The following ACBD6 variants were observed in gnomAD, a reference collection of about 807,000 sequenced individuals.
The protein encoded by ACBD6 is acyl-CoA-binding domain-containing protein 6.
Under a neutral mutation model 37.2 loss-of-function variants are expected in ACBD6, and 28 were observed. That is an observed-to-expected ratio of 0.75 (90% CI 0.56 to 1.03). ACBD6 has a LOEUF of 1.03. Among genes scored for constraint, ACBD6 ranks in the 50% least tolerant of loss-of-function variants. ACBD6 has a pLI of 0.00. For missense variants in ACBD6, 340 were observed against 337.4 expected, an observed-to-expected ratio of 1.01 and a Z score of -0.06; for synonymous variants, 113 against 126.8, an observed-to-expected ratio of 0.89 and a Z score of 0.73.
chr1:180,477,978 T>TAAAAAAAAAAA (rs58326495), intron 3 of ACBD6, among the ~76,000 whole-genome samples: 8,077 of 144,420 alleles, frequency 0.056, 648 homozygotes, highest in African/African-American at 0.17. Context: ...TCCATCTCTT[T>TAAAAAAAAAAA]AAAAAAAAAA....
chr1:180,300,869 G>T (rs998050076), intron 7 of ACBD6, among the ~76,000 whole-genome samples: 2 of 152,100 alleles, frequency 1.3e-5, no homozygotes, highest in East Asian at 1.9e-4. Context: ...AATAAGAAAA[G>T]ATTTTCTTTA....
At chr1:180,456,649 T>A (rs1649935673) in intron 3 of ACBD6, among the ~76,000 whole-genome samples, 1 of 152,226 alleles carries the variant, frequency 6.6e-6, no homozygotes, top group Non-Finnish European at 1.5e-5. Flanking sequence ...TGAAAGGTAT[T>A]TCCACCTATA....
intron 3 of ACBD6, among the ~76,000 whole-genome samples, chr1:180,473,644 T>C (rs1650662064): frequency 1.3e-5 from 2 of 152,112 alleles, no homozygotes; most frequent in African/African-American, 2.4e-5. Flanking sequence ...TGAGGCAATA[T>C]AGATAGGATT....
chr1:180,332,248 T>G (rs1651514147), intron 6 of ACBD6, among the ~76,000 whole-genome samples: 1 of 152,182 alleles, frequency 6.6e-6, no homozygotes, highest in Non-Finnish European at 1.5e-5. Context: ...AGTACAAACC[T>G]CCACCATTTC....
chr1:180,349,610 TTA>T (rs2101890936), intron 6 of ACBD6, among the ~76,000 whole-genome samples: 1 of 152,174 alleles, frequency 6.6e-6, no homozygotes, highest in Non-Finnish European at 1.5e-5. Flanking sequence ...ATAATAAATT[TTA>T]TGTGTTGCCA....
At chr1:180,396,682 TG>T (rs1654273398) in intron 6 of ACBD6, among the ~76,000 whole-genome samples, 1 of 152,170 alleles carries the variant, frequency 6.6e-6, no homozygotes, top group Non-Finnish European at 1.5e-5. Context: ...AACAAGCGTA[TG>T]AAAAGGTACT....
intron 5 of ACBD6, among the ~76,000 whole-genome samples, chr1:180,405,009 G>A (rs1299103724): frequency 3.3e-5 from 5 of 152,040 alleles, no homozygotes; most frequent in South Asian, 4.1e-4. Flanking sequence ...AATTTGTAAC[G>A]CATTTCTCAG....
At chr1:180,374,413 G>A (rs1653361845) in intron 6 of ACBD6, among the ~76,000 whole-genome samples, 1 of 152,140 alleles carries the variant, frequency 6.6e-6, no homozygotes, top group Admixed American at 6.5e-5. Context: ...AGTAATCTAG[G>A]AAGGAAGTAA....
chr1:180,301,611 T>C (rs1036533093), intron 7 of ACBD6, among the ~76,000 whole-genome samples: 1 of 152,190 alleles, frequency 6.6e-6, no homozygotes, highest in Non-Finnish European at 1.5e-5. Flanking sequence ...CTTAACTTTT[T>C]CTTGTAATGT....
chr1:180,494,299 A>G (rs190509165), intron 2 of ACBD6, among the ~76,000 whole-genome samples: 4 of 152,346 alleles, frequency 2.6e-5, no homozygotes, highest in Admixed American at 1.3e-4. Context: ...ACAATGGAGA[A>G]ACAGGCAAAG....
At chr1:180,407,866 C>T (rs561773134) in intron 5 of ACBD6, among the ~76,000 whole-genome samples, 2 of 152,318 alleles carry the variant, frequency 1.3e-5, no homozygotes, top group African/African-American at 2.4e-5. Flanking sequence ...TAAATATTAA[C>T]AGGCACCATA....
rs567841876 is a variant in ACBD6 at position 180,447,086 on chromosome 1, C to A, written c.385-16824G>T. Among the ~76,000 whole-genome samples the A allele has an allele frequency of 3.9e-5, 6 of 152,180 alleles. 1 individual carries two copies. In the South Asian group the frequency reaches 1.2e-3, roughly 32 times the overall value. ...CCAGACATTTATAAAAATGTCAGTT[C>A]TCTAGAAATGTTGCATAAATGCTTA... On this transcript the variant is annotated intron_variant, in intron 3 of 7. Transcript: ENST00000367595.
At chr1:180,415,658 A>T (rs1481300371) in intron 4 of ACBD6, among the ~76,000 whole-genome samples, 1 of 152,196 alleles carries the variant, frequency 6.6e-6, no homozygotes, top group Non-Finnish European at 1.5e-5. Context: ...AAAGGAAAGC[A>T]GAAGGATCCT....
chr1:180,399,055 C>G (rs1647237353), intron 5 of ACBD6, among the ~76,000 whole-genome samples: 1 of 152,136 alleles, frequency 6.6e-6, no homozygotes, highest in South Asian at 2.1e-4. Flanking sequence ...AGGAAAACTT[C>G]TTCCCTACAA....
chr1:180,462,770 G>C (rs1650201907), intron 3 of ACBD6, among the ~76,000 whole-genome samples: 1 of 152,124 alleles, frequency 6.6e-6, no homozygotes, highest in Admixed American at 6.5e-5. Context: ...CAAAACAACA[G>C]AATATGCATT....
intron 3 of ACBD6, among the ~76,000 whole-genome samples, chr1:180,483,017 A>G (rs1366746912): frequency 6.6e-6 from 1 of 152,202 alleles, no homozygotes; most frequent in Admixed American, 6.5e-5. Context: ...CAAGTTTACA[A>G]TCAGTATATT....
intron 6 of ACBD6, 34 bp from the exon 7 acceptor site, chr1:180,314,756 C>A: frequency 6.8e-7 from 1 of 1,472,024 alleles, no homozygotes; most frequent in South Asian, 1.1e-5. Flanking sequence ...TTTTAGAAGT[C>A]TAAGTAATTG....
At chr1:180,324,458 C>T (rs1651183463) in intron 6 of ACBD6, among the ~76,000 whole-genome samples, 1 of 151,992 alleles carries the variant, frequency 6.6e-6, no homozygotes, top group South Asian at 2.1e-4. Flanking sequence ...CAACTTAACA[C>T]TGATTGCATA....
chr1:180,344,741 A>T (rs796231612), intron 6 of ACBD6, among the ~76,000 whole-genome samples: 3 of 152,324 alleles, frequency 2.0e-5, no homozygotes, highest in African/African-American at 7.2e-5. Flanking sequence ...ACATTATATA[A>T]CTTGCCTAAG....
Sources: allele counts gnomAD v4.1 joint callset (sites outside exome capture counted in the v4.1 genomes callset), GRCh38; gene constraint gnomAD v4.1.1; transcripts MANE v1.5; gene names NCBI Gene and HGNC (gene_info 2026-07-23, HGNC 2026-07-21).